The following SLC44A5 variants were observed in gnomAD, a reference collection of about 807,000 sequenced individuals.
SLC44A5 encodes solute carrier family 44 member 5.
SLC44A5 carries 57 observed loss-of-function variants against 101.8 expected under a neutral mutation model. The observed-to-expected ratio is 0.56, with a 90% confidence interval of 0.45 to 0.70. SLC44A5 has a LOEUF of 0.70. Among genes scored for constraint, SLC44A5 ranks in the 30% least tolerant of loss-of-function variants. The pLI is 0.00. For synonymous variants in SLC44A5, 281 were observed against 290.9 expected, an observed-to-expected ratio of 0.97 and a Z score of 0.35; for missense variants, 737 against 853.1, an observed-to-expected ratio of 0.86 and a Z score of 1.70.
intron 1 of SLC44A5, among the ~76,000 whole-genome samples, chr1:75,600,708 T>C (rs1272127883): frequency 2.6e-5 from 4 of 152,198 alleles, no homozygotes; most frequent in Non-Finnish European, 5.9e-5. Context: ...GATATACAAA[T>C]ATTTACCATT....
At chr1:75,702,343 G>A in the SLC44A5 span, among the ~76,000 whole-genome samples, 3 of 152,140 alleles carry the variant, frequency 2.0e-5, no homozygotes, top group Non-Finnish European at 4.4e-5. Context: ...AGAGCCCTCA[G>A]AAATAATGCC....
chr1:75,431,308 G>C (rs926639982), intron 2 of SLC44A5, among the ~76,000 whole-genome samples: 1 of 152,088 alleles, frequency 6.6e-6, no homozygotes, highest in Non-Finnish European at 1.5e-5. Flanking sequence ...TAAACCCTCA[G>C]TGGTTCCCCT....
intron 4 of SLC44A5, among the ~76,000 whole-genome samples, chr1:75,309,051 T>C (rs942177622): frequency 5.9e-5 from 9 of 152,174 alleles, no homozygotes; most frequent in Non-Finnish European, 8.8e-5. Flanking sequence ...GGCATAATTA[T>C]AGATGTAGTA....
intron 2 of SLC44A5, among the ~76,000 whole-genome samples, chr1:75,509,728 AC>A (rs1669461852): frequency 6.6e-6 from 1 of 152,216 alleles, no homozygotes. Context: ...TGTTACAGAG[AC>A]AAAATACAGT....
chr1:75,677,752 G>A, the SLC44A5 span: 2 of 439,786 alleles, frequency 4.5e-6, no homozygotes, highest in South Asian at 1.6e-5. Flanking sequence ...CATTTCCAAG[G>A]GAGGAACCAA....
intron 1 of SLC44A5, among the ~76,000 whole-genome samples, chr1:75,588,888 C>T (rs1016634724): frequency 6.6e-6 from 1 of 152,074 alleles, no homozygotes; most frequent in Non-Finnish European, 1.5e-5. Flanking sequence ...GAAAAGTAAA[C>T]ATGCAATTAT....
chr1:75,644,679 G>T, the SLC44A5 span, among the ~76,000 whole-genome samples: 1 of 151,710 alleles, frequency 6.6e-6, no homozygotes, highest in Non-Finnish European at 1.5e-5. Flanking sequence ...TAGAGTACAT[G>T]TGCACAACGT....
At chr1:75,581,980 C>T (rs1673721611) in intron 1 of SLC44A5, 1 of 429,960 alleles carries the variant, frequency 2.3e-6, no homozygotes, top group Non-Finnish European at 4.2e-6. Context: ...AAAAATTACC[C>T]AGCCTCGGGT....
chr1:75,334,894 G>T (rs1031261482), intron 4 of SLC44A5, among the ~76,000 whole-genome samples: 1 of 152,214 alleles, frequency 6.6e-6, no homozygotes, highest in South Asian at 2.1e-4. Context: ...CTCTTCCTTG[G>T]TGCTCCAAGA....
chr1:75,646,378 T>G, the SLC44A5 span, among the ~76,000 whole-genome samples: 1 of 152,128 alleles, frequency 6.6e-6, no homozygotes, highest in African/African-American at 2.4e-5. Context: ...CTAGGTATTT[T>G]ATTCTCTTTG....
At chr1:75,376,230 C>A (rs1294206043) in intron 3 of SLC44A5, among the ~76,000 whole-genome samples, 3 of 152,214 alleles carry the variant, frequency 2.0e-5, no homozygotes, top group Non-Finnish European at 2.9e-5. Flanking sequence ...AGTCTGAGAT[C>A]AAACTGCAAG....
chr1:75,664,224 G>T, the SLC44A5 span, among the ~76,000 whole-genome samples: 4 of 152,090 alleles, frequency 2.6e-5, no homozygotes, highest in Non-Finnish European at 5.9e-5. Context: ...AAAACTGGGA[G>T]CATTCCCCTT....
rs1160493630 is a variant in SLC44A5 at position 75,502,771 on chromosome 1, G to T, written c.13+38664C>A. Reference sequence around the variant, plus strand: ...ATTTATATTCTTTTCACCTATAAATGGACTTAGAAAAATTAATATTACAAA... The same window carrying T: ...ATTTATATTCTTTTCACCTATAAATTGACTTAGAAAAATTAATATTACAAA... On this transcript the variant is annotated intron_variant, in intron 2 of 23. Transcript: ENST00000370859. Among the ~76,000 whole-genome samples, 3 of 138,594 alleles carry T rather than the reference G, an allele frequency of 2.2e-5. No individual in the cohort carries two copies. In the Admixed American group the frequency reaches 2.5e-4, roughly 12 times the overall value. 90.9% of individuals were successfully genotyped at this position (138,594 alleles called of 152,430 possible).
chr1:75,448,062 T>A, intron 2 of SLC44A5, among the ~76,000 whole-genome samples: 1 of 152,342 alleles, frequency 6.6e-6, no homozygotes, highest in Non-Finnish European at 1.5e-5. Flanking sequence ...AGATTATGAA[T>A]GTTTTCCATC....
intron 2 of SLC44A5, among the ~76,000 whole-genome samples, chr1:75,411,010 G>C (rs1333710466): frequency 1.3e-5 from 2 of 151,952 alleles, no homozygotes; most frequent in African/African-American, 4.8e-5. Context: ...GTAAGACATG[G>C]GGAAAAATTA....
At chr1:75,590,874 G>C (rs1250547846) in intron 1 of SLC44A5, among the ~76,000 whole-genome samples, 2 of 152,160 alleles carry the variant, frequency 1.3e-5, no homozygotes, top group Non-Finnish European at 2.9e-5. Context: ...GAGCTTAGGG[G>C]ACCCCGCTAC....
At chr1:75,507,143 C>T (rs1378285420) in intron 2 of SLC44A5, among the ~76,000 whole-genome samples, 1 of 152,046 alleles carries the variant, frequency 6.6e-6, no homozygotes, top group African/African-American at 2.4e-5. Flanking sequence ...AAAGAGGATG[C>T]TTCCAACTTT....
chr1:75,222,580 TAAG>T (rs1647111048), intron 13 of SLC44A5, 120 bp from the exon 14 acceptor site: 1 of 605,602 alleles, frequency 1.7e-6, no homozygotes, highest in African/African-American at 1.8e-5. Context: ...CCTCATAATC[TAAG>T]AAGTGTTATC....
chr1:75,311,241 C>T (rs748838296), intron 4 of SLC44A5, among the ~76,000 whole-genome samples: 3 of 151,956 alleles, frequency 2.0e-5, no homozygotes, highest in Admixed American at 1.3e-4. Flanking sequence ...CTCAGCCTCC[C>T]GAGTAGCTGG....
Sources: gnomAD v4.1 joint callset for allele counts (sites outside exome capture counted in the v4.1 genomes callset) on GRCh38, gnomAD v4.1.1 for gene constraint, MANE v1.5 for transcripts, NCBI Gene and HGNC (gene_info 2026-07-23, HGNC 2026-07-21) for gene names.